The following KIF1C variants were observed in gnomAD, a reference collection of about 807,000 sequenced individuals.
The protein encoded by KIF1C is kinesin family member 1C, also known as kinesin-like protein KIF1C.
KIF1C carries 61 observed loss-of-function variants against 126.5 expected under a neutral mutation model. The ratio of observed to expected loss-of-function variants is 0.48; its 90% CI spans 0.39 to 0.60. The LOEUF is 0.60. KIF1C is among the 20% of genes least tolerant of loss of function. The pLI is 0.00. For missense variants in KIF1C, 1,315 were observed against 1,489.2 expected (o/e 0.88, Z 1.93); for synonymous variants, 640 against 580.6 (o/e 1.10, Z -1.47).
Position 5,000,339 on chromosome 17 carries a change from G to A in KIF1C, c.93G>A (p.Gln31=), listed in dbSNP as rs1430389720. 6.3e-7 allele frequency: 1 copy of A among 1,585,614 alleles called. No homozygotes were observed. Among genetic ancestry groups the A allele is most frequent in the African/African-American group, 1.3e-5 (1 of 74,096 alleles). ...ATGCCAAGTGTGTGGTCAGCATGCAGGGCAACACCACCTGTGAGTGAGTCC... is the reference window on the plus strand; with the variant it reads ...ATGCCAAGTGTGTGGTCAGCATGCAAGGCAACACCACCTGTGAGTGAGTCC... The part of the protein sequence containing the change: ...SQDAKCVVSM[Q]GNTTSIINPK... The change falls in exon 3 of 23, where the codon CAG becomes CAA. Residue 31 remains glutamine, a synonymous_variant. Coordinates refer to ENST00000320785, the MANE Select transcript of KIF1C (RefSeq NM_006612.6).
At chr17:5,014,709 A>C in intron 17 of KIF1C, 34 bp from the exon 18 acceptor site, 1 of 1,501,938 alleles carries the variant, frequency 6.7e-7, no homozygotes, top group Non-Finnish European at 9.1e-7. Flanking sequence ...AAAGTCTGGC[A>C]CATGCTCACA....
rs761896144 is a variant in KIF1C, at chr17:5,000,845, T to C, written c.180T>C (p.Thr60=). The C allele has an allele frequency of 3.1e-6, 5 of 1,613,654 alleles. No individual in the cohort carries two copies. Among genetic ancestry groups the C allele is most frequent in the Non-Finnish European group, 4.2e-6 (5 of 1,179,824 alleles). The part of the protein sequence containing the change: ...FTFDYSYWSH[T]STEDPQFASQ... Reference sequence around the variant, plus strand: ...TTGACTACTCCTACTGGTCACACACTTCGGTGGGTTGTTGGGCTGGGGGAA... The same window carrying C: ...TTGACTACTCCTACTGGTCACACACCTCGGTGGGTTGTTGGGCTGGGGGAA... Residue 60 remains threonine (T), a synonymous_variant, in exon 4 of 23, where the codon ACT becomes ACC. Coordinates refer to ENST00000320785, the MANE Select transcript of KIF1C (RefSeq NM_006612.6).
chr17:5,015,164 A>G (rs1974946532), intron 18 of KIF1C, among the ~76,000 whole-genome samples: 1 of 152,190 alleles, frequency 6.6e-6, no homozygotes, highest in Admixed American at 6.5e-5. Flanking sequence ...TGTTCACCAC[A>G]ACTAGCACTC....
Position 5,004,892 on chromosome 17 carries a change from A to G in KIF1C, c.1057A>G (p.Ile353Val), listed in dbSNP as rs749352816. Reference sequence around the variant, plus strand: ...CACCAAGCAAATCCGCTGCAATGCCATCATCAACGAGGACCCTAATGCCCG... The same window carrying G: ...CACCAAGCAAATCCGCTGCAATGCCGTCATCAACGAGGACCCTAATGCCCG... ...DRTKQIRCNAIINEDPNARLI... is the reference protein window; with the variant it reads ...DRTKQIRCNAVINEDPNARLI... Residue 353 changes from isoleucine (I) to valine (V), a missense_variant, in exon 13 of 23, where the codon ATC (isoleucine) becomes GTC (valine). By Grantham distance (29) the Ile-to-Val change is conservative. Around this residue, in one of 2 missense-constraint regions of KIF1C, gnomAD observed 874 missense variants for 1,053.2 expected, o/e 0.83. Transcript: ENST00000320785. The G allele has an allele frequency of 5.6e-6, 9 of 1,614,126 alleles. No homozygotes were observed. Among genetic ancestry groups the G allele is most frequent in the African/African-American group, 1.3e-5 (1 of 74,944 alleles).
chr17:5,022,346 C>G lies in KIF1C; in HGVS notation c.2265C>G (p.Ile755Met). The part of the protein sequence containing the change: ...ADLKMQAVKE[I>M]CYEVALADFR... The stretch of plus-strand genomic sequence containing the variant: ...TGAAGATGCAGGCGGTGAAGGAGAT[C>G]TGCTACGAGGTGGCCCTGGCTGACT... Residue 755 changes from isoleucine to methionine, a missense_variant, in exon 22 of 23, where the codon ATC (isoleucine) becomes ATG (methionine). By Grantham distance (10) the Ile-to-Met change is conservative. This residue lies in a region of KIF1C where 874 missense variants were observed against 1,053.2 expected (regional missense o/e 0.83). Coordinates refer to ENST00000320785, the MANE Select transcript of KIF1C (RefSeq NM_006612.6). This position sits in a 1 kb window ranked among gnomAD's most constrained non-coding sequence, Gnocchi z 4.9. 1 of 1,596,286 alleles carries G rather than the reference C, an allele frequency of 6.3e-7. No homozygotes were observed. The highest frequency in any genetic ancestry group is 8.5e-7 in the Non-Finnish European group (1 of 1,170,952).
rs1224015992 is a variant in KIF1C, at chr17:5,026,279, T to C, written c.*2128T>C. The stretch of plus-strand genomic sequence containing the variant: ...TTAAAATCTGGCCAGGGAGACTCAA[T>C]GTGAGCAAGAAAATGATAGAATACC... On this transcript the variant is annotated 3_prime_UTR_variant, in exon 23 of 23. Coordinates refer to ENST00000320785, the MANE Select transcript of KIF1C (RefSeq NM_006612.6). 1.3e-5 allele frequency: 2 copies of C among 152,146 alleles called. No individual in the cohort carries two copies. Among genetic ancestry groups the C allele is most frequent in the Non-Finnish European group, 2.9e-5 (2 of 68,044 alleles). 9.4% of individuals were successfully genotyped at this position (152,146 alleles called of 1,614,324 possible). A position where few individuals can be genotyped will look rare whatever the true frequency, so the allele number is the denominator to read the frequency against.
In KIF1C at chr17:5,027,963, TA is replaced by T. The variant is rs1311113268; in HGVS notation, c.*3817del. 6.6e-6 allele frequency: 1 copy of T among 152,116 alleles called. No homozygotes were observed. Among genetic ancestry groups the T allele is most frequent in the Non-Finnish European group, 1.5e-5 (1 of 68,026 alleles). 9.4% of individuals were successfully genotyped at this position (152,116 alleles called of 1,614,324 possible). ...AGACCCTGTCTTAAAAATGTATATA[TA>T]AAAATAAAAAGAACATCAGACATCA... is the stretch of plus-strand genomic sequence containing the variant. On this transcript the variant is annotated 3_prime_UTR_variant, in exon 23 of 23. Transcript: ENST00000320785.
At chr17:5,004,185 TTC>T in intron 11 of KIF1C, 112 bp downstream of exon 11, 2 of 840,906 alleles carry the variant, frequency 2.4e-6, no homozygotes, top group Non-Finnish European at 4.1e-6. Flanking sequence ...GTTGTCTTAC[TTC>T]TCCCCCTGAC....
chr17:5,001,436 G>A (rs1446453631), intron 5 of KIF1C, 35 bp downstream of exon 5: 3 of 1,600,982 alleles, frequency 1.9e-6, no homozygotes, highest in South Asian at 2.2e-5. Flanking sequence ...GCCAGGGCAG[G>A]AGCATCTTTA....
Position 5,002,143 on chromosome 17 carries a change from G to A in KIF1C, c.429+19G>A, listed in dbSNP as rs1347624827. On this transcript the variant is annotated intron_variant, in intron 6 of 22. Transcript: ENST00000320785. ...TGTGGAGGTAAGCCCGGGTCTTGGT[G>A]GCAGGGCTGAGAGGGGTCCAGACTG... 3 of 1,611,840 alleles carry A rather than the reference G, an allele frequency of 1.9e-6. No homozygotes were observed. The highest frequency in any genetic ancestry group is 2.7e-5 in the African/African-American group (2 of 74,870).
Position 5,026,298 on chromosome 17 carries a change from G to C in KIF1C, c.*2147G>C, listed in dbSNP as rs1404646551. On this transcript the variant is annotated 3_prime_UTR_variant, in exon 23 of 23. Transcript: ENST00000320785. The stretch of plus-strand genomic sequence containing the variant: ...ACTCAATGTGAGCAAGAAAATGATA[G>C]AATACCAAGTTTTCTGGAGGTCAGA... The C allele has an allele frequency of 1.3e-5, 2 of 152,216 alleles. No individual in the cohort carries two copies. Among genetic ancestry groups the C allele is most frequent in the African/African-American group, 4.8e-5 (2 of 41,454 alleles). The allele number at this position is 152,216 out of a possible 1,614,324, so 9.4% of individuals were successfully genotyped here. A position where few individuals can be genotyped will look rare whatever the true frequency, so the allele number is the denominator to read the frequency against.
intron 8 of KIF1C, 75 bp downstream of exon 8, chr17:5,002,917 G>T (rs1344214833): frequency 3.2e-6 from 4 of 1,246,504 alleles, no homozygotes; most frequent in Non-Finnish European, 4.6e-6. Flanking sequence ...CATGGTAGAA[G>T]GGTCTTGGGC....
Position 5,004,876 on chromosome 17 carries a change from A to G in KIF1C, c.1041A>G (p.Gln347=). 6.2e-7 allele frequency: 1 copy of G among 1,614,244 alleles called. No homozygotes were observed. Among genetic ancestry groups the G allele is most frequent in the Non-Finnish European group, 8.5e-7 (1 of 1,180,048 alleles). ...STLRYADRTK[Q]IRCNAIINED... ...CCAGGTATGCTGACCGCACCAAGCA[A>G]ATCCGCTGCAATGCCATCATCAACG... The change falls in exon 13 of 23, where the codon CAA becomes CAG. Residue 347 remains glutamine, a synonymous_variant. Transcript: ENST00000320785.
At chr17:5,016,578 G>A (rs989599438) in intron 18 of KIF1C, among the ~76,000 whole-genome samples, 4 of 151,396 alleles carry the variant, frequency 2.6e-5, no homozygotes, top group Non-Finnish European at 5.9e-5. Context: ...AACAAAAGAC[G>A]CTATCATGTG....
At chr17:5,004,117 A>G (rs779292467) in intron 11 of KIF1C, 44 bp downstream of exon 11, 3 of 1,346,996 alleles carry the variant, frequency 2.2e-6, no homozygotes, top group East Asian at 2.3e-5. Flanking sequence ...GACACATCCC[A>G]CAAACTCTTT....
chr17:5,004,100 C>A (rs752450309), intron 11 of KIF1C, 27 bp downstream of exon 11: 1 of 1,485,708 alleles, frequency 6.7e-7, no homozygotes, highest in Non-Finnish European at 9.4e-7. Flanking sequence ...CTTTCTCTGC[C>A]GACCCTGACA....
intron 3 of KIF1C, 134 bp from the exon 4 acceptor site, chr17:5,000,638 G>C: frequency 4.6e-6 from 4 of 862,608 alleles, no homozygotes; most frequent in African/African-American, 1.7e-5. Context: ...GGTGGGGAAT[G>C]TTAAAGGGGA....
chr17:5,013,243 A>T (rs57452323), intron 16 of KIF1C, among the ~76,000 whole-genome samples: 4,945 of 152,244 alleles, frequency 0.032, 265 homozygotes, highest in African/African-American at 0.11. Flanking sequence ...GAAAGAAATG[A>T]TGGGACCTGA....
chr17:5,028,277 T>C lies in KIF1C; in HGVS notation c.*4126T>C, dbSNP rs1975242407. The C allele has an allele frequency of 6.6e-6, 1 of 152,200 alleles. No individual in the cohort carries two copies. The highest frequency in any genetic ancestry group is 6.5e-5 in the Admixed American group (1 of 15,270). The allele number at this position is 152,200 out of a possible 1,614,324, so 9.4% of individuals were successfully genotyped here. On this transcript the variant is annotated 3_prime_UTR_variant, in exon 23 of 23. Coordinates refer to ENST00000320785, the MANE Select transcript of KIF1C (RefSeq NM_006612.6). ...TTTGGAGCTGCTTTCCTTTTGTTGGTTACTATTTTATTTTTAGCTTCTCAC... is the reference window on the plus strand; with the variant it reads ...TTTGGAGCTGCTTTCCTTTTGTTGGCTACTATTTTATTTTTAGCTTCTCAC...
Sources: allele counts gnomAD v4.1 joint callset (sites outside exome capture counted in the v4.1 genomes callset), GRCh38; gene constraint gnomAD v4.1.1; regional missense constraint gnomAD v4.1.1; non-coding constraint Gnocchi (gnomAD v3.1); transcripts MANE v1.5; gene names NCBI Gene and HGNC (gene_info 2026-07-23, HGNC 2026-07-21).